Variants in WHRN observed in about 807,000 individuals in gnomAD.
WHRN encodes the protein CASK-interacting protein CIP98.
WHRN carries 41 observed loss-of-function variants against 68.3 expected under a neutral mutation model. That is an observed-to-expected ratio of 0.60 (90% CI 0.47 to 0.78). The LOEUF is 0.78. Ranked by LOEUF, WHRN falls within the 30% of genes least tolerant of loss-of-function variation. The probability of loss-of-function intolerance (pLI) is 0.00; values close to 1 mark genes in which losing one functional copy is unlikely to be tolerated. For synonymous variants in WHRN, 560 were observed against 561.3 expected, an observed-to-expected ratio of 1.00 and a Z score of 0.03; for missense variants, 1,243 against 1,244.7, an observed-to-expected ratio of 1.00 and a Z score of 0.02.
Position 114,406,482 on chromosome 9 carries a change from A to C in WHRN, c.2109T>G (p.Leu703=). Residue 703 remains leucine, a synonymous_variant, in exon 9 of 12, where the codon CTT becomes CTG. Transcript: ENST00000362057. The part of the protein sequence containing the change: ...SAEATVAGGC[L]LPPSPSGHPD... ...GGTGGCCAGAGGGTGATGGGGGCAGAAGGCAGCCCCCAGCCACTGTGGCCT... is the reference window on the plus strand; with the variant it reads ...GGTGGCCAGAGGGTGATGGGGGCAGCAGGCAGCCCCCAGCCACTGTGGCCT... 2 of 1,614,058 alleles carry C rather than the reference A, an allele frequency of 1.2e-6. No individual in the cohort carries two copies. Among genetic ancestry groups the C allele is most frequent in the Non-Finnish European group, 1.7e-6 (2 of 1,180,028 alleles).
At position 114,498,467 on chromosome 9, in the gene WHRN, C is replaced by G. The variant is rs535838982; in HGVS notation, c.618+5717G>C. Among the ~76,000 whole-genome samples the G allele has an allele frequency of 2.0e-4, 31 of 152,210 alleles. No individual in the cohort carries two copies. The East Asian group carries it at 5.4e-3, about 27-fold the overall frequency. ...TATCCCCCAAGGACAGAGGTCATGT[C>G]CTATTCATCTCTGATGTCCAAGTAT... On this transcript the variant is annotated intron_variant, in intron 1 of 11. Coordinates refer to ENST00000362057, the MANE Select transcript of WHRN (RefSeq NM_015404.4).
chr9:114,493,812 G>A (rs556479325), intron 1 of WHRN, among the ~76,000 whole-genome samples: 1 of 152,344 alleles, frequency 6.6e-6, no homozygotes, highest in South Asian at 2.1e-4. Context: ...GGAGAACAGG[G>A]AAGCTGCAGC....
At chr9:114,475,572 AT>A (rs1435390619) in intron 2 of WHRN, among the ~76,000 whole-genome samples, 1 of 152,158 alleles carries the variant, frequency 6.6e-6, no homozygotes, top group Non-Finnish European at 1.5e-5. Context: ...TACATGTGTG[AT>A]TTTTATGCTA....
Position 114,485,551 on chromosome 9 carries a change from G to A in WHRN, c.619-6780C>T, listed in dbSNP as rs1842411186. Among the ~76,000 whole-genome samples the A allele has an allele frequency of 1.3e-5, 2 of 152,076 alleles. 1 individual carries two copies. Among genetic ancestry groups the A allele is most frequent in the South Asian group, 4.1e-4 (2 of 4,828 alleles). On this transcript the variant is annotated intron_variant, in intron 1 of 11. Transcript: ENST00000362057. Reference sequence around the variant, plus strand: ...ACTAAAAATACAAAAAATTAGCCAGGCATGGTGGCGGGTGGCTGTAATCCC... The same window carrying A: ...ACTAAAAATACAAAAAATTAGCCAGACATGGTGGCGGGTGGCTGTAATCCC...
At chr9:114,415,487 G>A (rs1835752977) in intron 7 of WHRN, among the ~76,000 whole-genome samples, 1 of 152,130 alleles carries the variant, frequency 6.6e-6, no homozygotes, top group African/African-American at 2.4e-5. Context: ...TGCCCCACCA[G>A]CTCCTCAGCT....
intron 2 of WHRN, among the ~76,000 whole-genome samples, chr9:114,470,597 G>A (rs1841126937): frequency 6.6e-6 from 1 of 152,158 alleles, no homozygotes. Flanking sequence ...TTACGATGGT[G>A]GTGATGTAGG....
At chr9:114,458,928 C>T (rs1026647338) in intron 3 of WHRN, among the ~76,000 whole-genome samples, 3 of 152,122 alleles carry the variant, frequency 2.0e-5, no homozygotes, top group Admixed American at 1.3e-4. Flanking sequence ...GAACAGTCTC[C>T]GTGGTAGGTG....
intron 1 of WHRN, among the ~76,000 whole-genome samples, chr9:114,498,018 T>C (rs970456308): frequency 2.0e-5 from 3 of 152,288 alleles, no homozygotes; most frequent in Middle Eastern, 3.4e-3. Context: ...TTCAGTGTTT[T>C]TGTCTAGCAC....
At chr9:114,490,503 G>C (rs1589256363) in intron 1 of WHRN, among the ~76,000 whole-genome samples, 1 of 152,230 alleles carries the variant, frequency 6.6e-6, no homozygotes, top group African/African-American at 2.4e-5. Flanking sequence ...AAGGAAAGAA[G>C]AACATTTAAA....
In WHRN at chr9:114,504,447, T is replaced by G. The variant is rs779115189; in HGVS notation, c.355A>C (p.Thr119Pro). 9.3e-6 allele frequency: 15 copies of G among 1,607,178 alleles called. No individual in the cohort carries two copies. Among genetic ancestry groups the G allele is most frequent in the Non-Finnish European group, 1.3e-5 (15 of 1,179,644 alleles). Residue 119 changes from threonine (T) to proline (P), a missense_variant, in exon 1 of 12, where the codon ACC becomes CCC. Thr to Pro is a conservative substitution (Grantham distance 38). Transcript: ENST00000362057. The part of the protein sequence containing the change: ...YTAEGLYLPA[T>P]TPYRQPAWGG... The stretch of plus-strand genomic sequence containing the variant: ...CAGGCGGGCTGCCTGTAGGGGGTGG[T>G]GGCGGGCAGGTAGAGGCCCTCGGCC...
chr9:114,411,698 T>C (rs1246442428), intron 7 of WHRN, among the ~76,000 whole-genome samples: 2 of 152,144 alleles, frequency 1.3e-5, no homozygotes, highest in Non-Finnish European at 2.9e-5. Flanking sequence ...GTTTTACTTA[T>C]ATTATCTCAT....
intron 3 of WHRN, among the ~76,000 whole-genome samples, chr9:114,449,487 C>T (rs1043879385): frequency 2.0e-5 from 3 of 152,204 alleles, no homozygotes; most frequent in African/African-American, 7.2e-5. Flanking sequence ...CCTGCCTTGG[C>T]GCAATTACCA....
Position 114,402,667 on chromosome 9 carries a change from C to A in WHRN, c.*87G>T. On this transcript the variant is annotated 3_prime_UTR_variant, in exon 12 of 12. Transcript: ENST00000362057. Reference sequence around the variant, plus strand: ...TGCCACCCTGGCCATGCAGCCCCAACCCCGCAAGGAGCTTGATGAAGCCAA... The same window carrying A: ...TGCCACCCTGGCCATGCAGCCCCAAACCCGCAAGGAGCTTGATGAAGCCAA... 6.4e-7 allele frequency: 1 copy of A among 1,554,536 alleles called. No homozygotes were observed. Among genetic ancestry groups the A allele is most frequent in the Non-Finnish European group, 8.8e-7 (1 of 1,132,804 alleles).
intron 2 of WHRN, among the ~76,000 whole-genome samples, chr9:114,472,744 G>A (rs1172694472): frequency 6.6e-6 from 1 of 152,120 alleles, no homozygotes; most frequent in Non-Finnish European, 1.5e-5. Flanking sequence ...ATATTTTGGG[G>A]GAAAATACCA....
chr9:114,438,176 A>G (rs1329078042), intron 3 of WHRN, among the ~76,000 whole-genome samples: 1 of 152,096 alleles, frequency 6.6e-6, no homozygotes, highest in African/African-American at 2.4e-5. Context: ...CGAAGGTTGC[A>G]GTGAGTCGAG....
In WHRN at chr9:114,478,756, T is replaced by C. The variant is rs769843003; in HGVS notation, c.634A>G (p.Lys212Glu). 1.9e-6 allele frequency: 3 copies of C among 1,611,842 alleles called. No homozygotes were observed. Among genetic ancestry groups the C allele is most frequent in the Non-Finnish European group, 2.5e-6 (3 of 1,179,830 alleles). Residue 212 changes from lysine to glutamate, a missense_variant, in exon 2 of 12, where the codon AAG (lysine) becomes GAG (glutamate). Transcript: ENST00000362057. The stretch of plus-strand genomic sequence containing the variant: ...GAGTACACAGACAGCACCAGCTTCT[T>C]GGAGCCCTTCAGAGCCTAGGGAGAG... ...AEAVKALKGS[K>E]KLVLSVYSAG...
At chr9:114,405,769 C>A (rs1834981548) in intron 9 of WHRN, among the ~76,000 whole-genome samples, 2 of 152,360 alleles carry the variant, frequency 1.3e-5, no homozygotes, top group Middle Eastern at 3.4e-3. Context: ...CAGAATCCAA[C>A]AAAATGCTCC....
intron 1 of WHRN, among the ~76,000 whole-genome samples, chr9:114,481,258 C>T (rs992172800): frequency 1.3e-5 from 2 of 152,186 alleles, no homozygotes; most frequent in Non-Finnish European, 2.9e-5. Flanking sequence ...CAGGAGGCAC[C>T]CAGGCCCTCA....
chr9:114,441,047 C>T (rs940382298), intron 3 of WHRN, among the ~76,000 whole-genome samples: 6 of 152,140 alleles, frequency 3.9e-5, no homozygotes, highest in Non-Finnish European at 5.9e-5. Context: ...TTCAGACAGA[C>T]GATTCATCTG....
Sources: allele counts gnomAD v4.1 joint callset (sites outside exome capture counted in the v4.1 genomes callset), GRCh38; gene constraint gnomAD v4.1.1; transcripts MANE v1.5; gene names NCBI Gene and HGNC (gene_info 2026-07-23, HGNC 2026-07-21).